Variants in C6orf58 observed in about 807,000 individuals in gnomAD.
C6orf58 encodes chromosome 6 open reading frame 58, also known as protein LEG1 homolog.
A neutral mutation model predicts 37.0 loss-of-function variants in C6orf58; 30 were observed. That is an observed-to-expected ratio of 0.81 (90% CI 0.61 to 1.10). The LOEUF (loss-of-function observed/expected upper bound fraction) is 1.10. C6orf58 is among the 50% of genes least tolerant of loss of function. The pLI is 0.00. For missense variants in C6orf58, 368 were observed against 387.5 expected (o/e 0.95, Z 0.42); for synonymous variants, 143 against 134.1 (o/e 1.07, Z -0.46).
chr6:127,584,898 T>G (rs1394348268), intron 4 of C6orf58, among the ~76,000 whole-genome samples: 1 of 152,198 alleles, frequency 6.6e-6, no homozygotes, highest in Admixed American at 6.5e-5. Context: ...TTGTTCAAAC[T>G]GCTTATCTAA....
intron 2 of C6orf58, 25 bp from the exon 3 acceptor site, chr6:127,580,240 A>T (rs1225253916): frequency 6.4e-7 from 1 of 1,562,118 alleles, no homozygotes; most frequent in East Asian, 2.3e-5. Context: ...TGCTTGTAGT[A>T]ATAGTAAATC....
chr6:127,591,685 C>A lies in C6orf58; in HGVS notation c.*63C>A, dbSNP rs563001790. 1.1e-5 allele frequency: 15 copies of A among 1,364,828 alleles called. No homozygotes were observed. The highest frequency in any genetic ancestry group is 9.1e-5 in the African/African-American group (6 of 66,278). The allele number at this position is 1,364,828 out of a possible 1,614,324, so 84.5% of individuals were successfully genotyped here. Reference sequence around the variant, plus strand: ...TTAAAAATGAAAAACTCGAACTTGACAATCAGTAATTTCAAAAAATTAATG... The same window carrying A: ...TTAAAAATGAAAAACTCGAACTTGAAAATCAGTAATTTCAAAAAATTAATG... On this transcript the variant is annotated 3_prime_UTR_variant, in exon 6 of 6. Coordinates refer to ENST00000329722, the MANE Select transcript of C6orf58 (RefSeq NM_001010905.3).
chr6:127,579,696 A>T (rs1775027287), intron 2 of C6orf58, among the ~76,000 whole-genome samples: 1 of 152,128 alleles, frequency 6.6e-6, no homozygotes, highest in African/African-American at 2.4e-5. Flanking sequence ...TAAAATGTGA[A>T]AATAGTCATG....
intron 4 of C6orf58, among the ~76,000 whole-genome samples, chr6:127,589,423 A>T (rs1775138271): frequency 1.3e-5 from 2 of 152,344 alleles, no homozygotes; most frequent in South Asian, 4.1e-4. Context: ...CATGACTTTT[A>T]TAGTTCTAAA....
intron 4 of C6orf58, among the ~76,000 whole-genome samples, chr6:127,583,647 G>A (rs1775073486): frequency 6.6e-6 from 1 of 152,146 alleles, no homozygotes; most frequent in African/African-American, 2.4e-5. Context: ...GCAAAAAAGA[G>A]CTTGGTGTGG....
intron 1 of C6orf58, among the ~76,000 whole-genome samples, chr6:127,578,020 A>C (rs1292217095): frequency 6.6e-6 from 1 of 152,128 alleles, no homozygotes; most frequent in Non-Finnish European, 1.5e-5. Context: ...ACATGAATTG[A>C]AAGATACTTT....
At chr6:127,584,278 T>C (rs1398516357) in intron 4 of C6orf58, among the ~76,000 whole-genome samples, 1 of 152,230 alleles carries the variant, frequency 6.6e-6, no homozygotes, top group Non-Finnish European at 1.5e-5. Flanking sequence ...CTTGAGGTTT[T>C]TATTGCCTTA....
chr6:127,585,508 T>C (rs1775097940), intron 4 of C6orf58, among the ~76,000 whole-genome samples: 1 of 152,222 alleles, frequency 6.6e-6, no homozygotes, highest in South Asian at 2.1e-4. Context: ...CTCAGTTGTT[T>C]AAATGATCAA....
Position 127,590,276 on chromosome 6 carries a change from T to C in C6orf58, c.864T>C (p.Asn288=), listed in dbSNP as rs753420094. ...TCAGTGACTTTACTGCTTTTCAGAA[T>C]GTAGTCCTGGTTCTTCTAAATATGC... The part of the protein sequence containing the change: ...PFISDFTAFQ[N]VVLVLLNMLD... Residue 288 remains asparagine, a synonymous_variant, in exon 5 of 6, where the codon AAT becomes AAC. Coordinates refer to ENST00000329722, the MANE Select transcript of C6orf58 (RefSeq NM_001010905.3). The C allele has an allele frequency of 8.1e-6, 13 of 1,613,218 alleles. No homozygotes were observed. The Admixed American group carries it at 1.7e-4, about 21-fold the overall frequency.
intron 4 of C6orf58, among the ~76,000 whole-genome samples, chr6:127,587,222 C>A (rs1044572132): frequency 1.3e-5 from 2 of 151,970 alleles, no homozygotes; most frequent in Admixed American, 6.6e-5. Flanking sequence ...TGCAAAAGTA[C>A]AAGTATTTGT....
intron 4 of C6orf58, among the ~76,000 whole-genome samples, chr6:127,587,103 A>T (rs1231401908): frequency 6.6e-6 from 1 of 152,234 alleles, no homozygotes. Flanking sequence ...TCTTGATTCT[A>T]TTAAATCTTT....
chr6:127,577,264 G>C lies in C6orf58; in HGVS notation c.79G>C (p.Glu27Gln). 6.2e-7 allele frequency: 1 copy of C among 1,612,956 alleles called. No individual in the cohort carries two copies. The highest frequency in any genetic ancestry group is 8.5e-7 in the Non-Finnish European group (1 of 1,179,068). The part of the protein sequence containing the change: ...ASLAGTSNLS[E>Q]TEPPLWKESP... ...CTTAGCAGGGACTTCCAATCTCTCA[G>C]AGACAGAGCCCCCTCTGTGGAAGGA... is the stretch of plus-strand genomic sequence containing the variant. The change falls in exon 1 of 6, where the codon GAG (glutamate) becomes CAG (glutamine). Residue 27 changes from glutamate (E) to glutamine (Q), a missense_variant. By Grantham distance (29) the Glu-to-Gln change is conservative. Transcript: ENST00000329722.
chr6:127,577,332 G>T lies in C6orf58; in HGVS notation c.147G>T (p.Met49Ile). The T allele has an allele frequency of 6.2e-7, 1 of 1,613,646 alleles. No individual in the cohort carries two copies. The highest frequency in any genetic ancestry group is 8.5e-7 in the Non-Finnish European group (1 of 1,179,640). ...GTGACTACAGGGTGGAGAACAGCAT[G>T]TACATTATTAATCCCTGGGTATACC... ...QLSDYRVENS[M>I]YIINPWVYLE... Residue 49 changes from methionine to isoleucine, a missense_variant, in exon 1 of 6, where the codon ATG becomes ATT. Met to Ile is a conservative substitution (Grantham distance 10). Coordinates refer to ENST00000329722, the MANE Select transcript of C6orf58 (RefSeq NM_001010905.3).
intron 2 of C6orf58, among the ~76,000 whole-genome samples, chr6:127,579,716 C>G (rs115018679): frequency 3.9e-5 from 6 of 152,046 alleles, no homozygotes; most frequent in African/African-American, 1.4e-4. Flanking sequence ...GTTTGATTGT[C>G]AGTCTAATGG....
At position 127,591,791 on chromosome 6, in the gene C6orf58, CTTAAA is replaced by C. The variant is rs149921478; in HGVS notation, c.*176_*180del. ...TAAGATCTTGTACATGTATTAAAAA[CTTAAA>C]TTAAATGCATTCAAGTTAAAATAAT... On this transcript the variant is annotated 3_prime_UTR_variant, in exon 6 of 6. Transcript: ENST00000329722. 7.6e-3 allele frequency: 3,794 copies of C among 501,356 alleles called. 127 individuals are homozygous for C. The highest frequency in any genetic ancestry group is 0.068 in the African/African-American group (3,420 of 49,994). The allele number at this position is 501,356 out of a possible 1,614,324, so 31.1% of individuals were successfully genotyped here. A position where few individuals can be genotyped will look rare whatever the true frequency, so the allele number is the denominator to read the frequency against.
rs777248798 is a variant in C6orf58 at position 127,577,189 on chromosome 6, G to A, written c.4G>A (p.Ala2Thr). The change falls in exon 1 of 6, where the codon GCT (alanine) becomes ACT (threonine). Residue 2 changes from alanine to threonine, a missense_variant. By Grantham distance (58) the Ala-to-Thr change is moderately conservative. Coordinates refer to ENST00000329722, the MANE Select transcript of C6orf58 (RefSeq NM_001010905.3). Reference sequence around the variant, plus strand: ...CGCAATCCCCAGCTCTGGCACAATGGCTTTTCTTCCTTCCTGGGTTTGTGT... The same window carrying A: ...CGCAATCCCCAGCTCTGGCACAATGACTTTTCTTCCTTCCTGGGTTTGTGT... M[A>T]FLPSWVCVLV... is the part of the protein sequence containing the mutation. The A allele has an allele frequency of 1.9e-5, 30 of 1,612,416 alleles. No individual in the cohort carries two copies. The highest frequency in any genetic ancestry group is 2.4e-5 in the Non-Finnish European group (28 of 1,179,274).
rs139287046 is a variant in C6orf58 at position 127,591,478 on chromosome 6, A to G, written c.914-65A>G. On this transcript the variant is annotated intron_variant, in intron 5 of 5. Transcript: ENST00000329722. ...AATGAAATAAAATTATGAGCCATATATTGCCAAAAGGTACTTTAAAAAATT... is the reference window on the plus strand; with the variant it reads ...AATGAAATAAAATTATGAGCCATATGTTGCCAAAAGGTACTTTAAAAAATT... 318 of 1,376,418 alleles carry G rather than the reference A, an allele frequency of 2.3e-4. 3 individuals are homozygous for G. The East Asian group carries it at 6.7e-3, about 29-fold the overall frequency. 85.3% of individuals were successfully genotyped at this position (1,376,418 alleles called of 1,614,324 possible).
chr6:127,590,362 T>C, intron 5 of C6orf58, 37 bp downstream of exon 5: 1 of 1,265,594 alleles, frequency 7.9e-7, no homozygotes, highest in Non-Finnish European at 1.1e-6. Context: ...AAAATCAGTA[T>C]TATGTTGAAC....
chr6:127,581,462 G>A (rs1327612399), intron 4 of C6orf58, among the ~76,000 whole-genome samples, 180 bp downstream of exon 4: 1 of 150,536 alleles, frequency 6.6e-6, no homozygotes, highest in African/African-American at 2.4e-5. Flanking sequence ...TTAAAAAAGT[G>A]TTTTATGAAG....
Sources: gnomAD v4.1 joint callset for allele counts (sites outside exome capture counted in the v4.1 genomes callset) on GRCh38, gnomAD v4.1.1 for gene constraint, MANE v1.5 for transcripts, NCBI Gene and HGNC (gene_info 2026-07-23, HGNC 2026-07-21) for gene names.